The following ZNF638 variants were observed in gnomAD, a reference collection of about 807,000 sequenced individuals.
The protein encoded by ZNF638 is CTCL tumor antigen se33-1.
ZNF638 carries 46 observed loss-of-function variants against 195.6 expected under a neutral mutation model. That is an observed-to-expected ratio of 0.24 (90% CI 0.19 to 0.30). ZNF638 has a LOEUF of 0.30. ZNF638 is among the 10% of genes least tolerant of loss of function. The pLI is 1.00. For synonymous variants in ZNF638, 845 were observed against 772.0 expected (o/e 1.09, Z -1.57); for missense variants, 2,440 against 2,325.3 (o/e 1.05, Z -1.01).
intron 6 of ZNF638, 31 bp downstream of exon 6, chr2:71,365,737 G>A (rs768338352): frequency 1.9e-6 from 3 of 1,546,994 alleles, no homozygotes; most frequent in Non-Finnish European, 2.6e-6. Flanking sequence ...TATTTTTAGA[G>A]ATAAGGTTTC....
intron 27 of ZNF638, 100 bp from the exon 28 acceptor site, chr2:71,434,642 G>C: frequency 1.1e-6 from 1 of 945,242 alleles, no homozygotes; most frequent in Non-Finnish European, 1.6e-6. Context: ...TATTTTGTAG[G>C]ATCAGTTTCT....
chr2:71,434,849 C>T lies in ZNF638; in HGVS notation c.*42C>T. 1 of 1,497,578 alleles carries T rather than the reference C, an allele frequency of 6.7e-7. No individual in the cohort carries two copies. Among genetic ancestry groups the T allele is most frequent in the Non-Finnish European group, 9.1e-7 (1 of 1,103,398 alleles). The allele number at this position is 1,497,578 out of a possible 1,614,324, so 92.8% of individuals were successfully genotyped here. A position where few individuals can be genotyped will look rare whatever the true frequency, so the allele number is the denominator to read the frequency against. ...AATTCACTAGAAATTTGTTTAGGGT[C>T]CAGTTGATTTGTGTATTTTTGTTAT... On this transcript the variant is annotated 3_prime_UTR_variant, in exon 28 of 28. Transcript: ENST00000264447.
rs3732233 is a variant in ZNF638 at position 71,406,145 on chromosome 2, T to C, written c.3018T>C (p.Ile1006=). ...AACTACAGGCAAACATAGATACAATTTATGATCGATTTGTACATCTTGATA... is the reference window on the plus strand; with the variant it reads ...AACTACAGGCAAACATAGATACAATCTATGATCGATTTGTACATCTTGATA... The part of the protein sequence containing the change: ...ENDPEANIDT[I]YDRFVHLDNL... Residue 1006 remains isoleucine, a synonymous_variant, in exon 19 of 28, where the codon ATT becomes ATC. Coordinates refer to ENST00000264447, the MANE Select transcript of ZNF638 (RefSeq NM_014497.5). 0.55 allele frequency: 880,928 copies of C among 1,612,414 alleles called. 247,588 individuals are homozygous for C. The highest frequency in any genetic ancestry group is 0.64 in the Admixed American group (38,573 of 59,982).
Position 71,418,618 on chromosome 2 carries a change from A to G in ZNF638, c.3278A>G (p.Asp1093Gly). 1.3e-6 allele frequency: 2 copies of G among 1,559,294 alleles called. No individual in the cohort carries two copies. Among genetic ancestry groups the G allele is most frequent in the Non-Finnish European group, 1.7e-6 (2 of 1,153,044 alleles). Residue 1093 changes from aspartate (D) to glycine (G), a missense_variant, in exon 21 of 28, where the codon GAC (aspartate) becomes GGC (glycine). By Grantham distance (94) the Asp-to-Gly change is moderately conservative. Transcript: ENST00000264447. ...ATATTACAGGTGCAAATTGAGCATG[A>G]CCCAGAATTAGAAAAAGAAAGGTAT... ...IDLPEVQIEH[D>G]PELEKESPGL...
intron 3 of ZNF638, among the ~76,000 whole-genome samples, chr2:71,357,843 T>G (rs1185524152): frequency 6.6e-6 from 1 of 152,204 alleles, no homozygotes; most frequent in African/African-American, 2.4e-5. Context: ...GCACTTCGAT[T>G]TATTGTACTT....
At chr2:71,362,785 G>T (rs1329718608) in intron 3 of ZNF638, among the ~76,000 whole-genome samples, 1 of 152,152 alleles carries the variant, frequency 6.6e-6, no homozygotes, top group African/African-American at 2.4e-5. Context: ...CACCATTCAT[G>T]TTGTATTCTG....
chr2:71,424,611 T>C lies in ZNF638; in HGVS notation c.4525-39T>C, dbSNP rs770658730. On this transcript the variant is annotated intron_variant, in intron 22 of 27. Coordinates refer to ENST00000264447, the MANE Select transcript of ZNF638 (RefSeq NM_014497.5). The stretch of plus-strand genomic sequence containing the variant: ...TTCCAGAACATTAATAATATGGTTG[T>C]AAATTCCGTTTTTCTGTATTTCTTA... 3.9e-6 allele frequency: 6 copies of C among 1,531,680 alleles called. No homozygotes were observed. The East Asian group carries it at 1.4e-4, about 34-fold the overall frequency. The allele number at this position is 1,531,680 out of a possible 1,614,324, so 94.9% of individuals were successfully genotyped here. A position where few individuals can be genotyped will look rare whatever the true frequency, so the allele number is the denominator to read the frequency against.
In ZNF638 at chr2:71,422,863, A is replaced by G; in HGVS notation, c.3349A>G (p.Thr1117Ala). 6.2e-7 allele frequency: 1 copy of G among 1,614,016 alleles called. No homozygotes were observed. The highest frequency in any genetic ancestry group is 8.5e-7 in the Non-Finnish European group (1 of 1,179,942). The change falls in exon 22 of 28, where the codon ACT becomes GCT. Residue 1117 changes from threonine to alanine, a missense_variant. Transcript: ENST00000264447. Reference sequence around the variant, plus strand: ...TGATGAAAGTGAGGTGCAAACAGCAACTGATAGTCCCTCTGTTAAACCTAA... The same window carrying G: ...TGATGAAAGTGAGGTGCAAACAGCAGCTGATAGTCCCTCTGTTAAACCTAA... ...PIDESEVQTA[T>A]DSPSVKPNEL... is the part of the protein sequence containing the mutation.
At chr2:71,371,834 A>T (rs2079319568) in intron 8 of ZNF638, among the ~76,000 whole-genome samples, 1 of 151,638 alleles carries the variant, frequency 6.6e-6, no homozygotes, top group Admixed American at 6.6e-5. Flanking sequence ...TCAGATGGAT[A>T]GTTTGCAATT....
Position 71,400,445 on chromosome 2 carries a change from T to C in ZNF638, c.2657-33T>C, listed in dbSNP as rs769124296. ...ATAAAGTAGGATCTTGATAAGTATG[T>C]CTGCATTGTTTTTAATTTTATTTTG... On this transcript the variant is annotated intron_variant, in intron 14 of 27. Transcript: ENST00000264447. The C allele has an allele frequency of 1.3e-5, 20 of 1,588,108 alleles. No individual in the cohort carries two copies. In the South Asian group the frequency reaches 2.3e-4, roughly 18 times the overall value.
chr2:71,422,708 A>T, intron 21 of ZNF638, 106 bp from the exon 22 acceptor site: 1 of 1,197,306 alleles, frequency 8.4e-7, no homozygotes, highest in Non-Finnish European at 1.1e-6. Context: ...AAGTCTTAAC[A>T]ATTGGCATCA....
At position 71,427,017 on chromosome 2, in the gene ZNF638, G is replaced by A. The variant is rs2080553102; in HGVS notation, c.5148G>A (p.Arg1716=). 1.2e-6 allele frequency: 2 copies of A among 1,613,288 alleles called. No individual in the cohort carries two copies. Among genetic ancestry groups the A allele is most frequent in the Non-Finnish European group, 1.7e-6 (2 of 1,179,744 alleles). The change falls in exon 24 of 28, where the codon AGG becomes AGA. Residue 1716 remains arginine (R), a synonymous_variant. Transcript: ENST00000264447. ...NTKGNEGDTV[R]DSIGFISSQV... ...AAGGAAATGAAGGAGATACTGTAAG[G>A]GATTCCATTGGCTTCATTTCTTCTC...
At chr2:71,418,325 G>A (rs908147679) in intron 20 of ZNF638, 3 of 254,864 alleles carry the variant, frequency 1.2e-5, no homozygotes, top group African/African-American at 2.2e-5. Flanking sequence ...AGAATTTCCA[G>A]GCTTCTAAAG....
Position 71,350,089 on chromosome 2 carries a change from A to C in ZNF638, c.1135A>C (p.Ile379Leu). The C allele has an allele frequency of 1.9e-6, 3 of 1,614,188 alleles. No individual in the cohort carries two copies. Among genetic ancestry groups the C allele is most frequent in the Non-Finnish European group, 2.5e-6 (3 of 1,180,034 alleles). The change falls in exon 2 of 28, where the codon ATT (isoleucine) becomes CTT (leucine). Residue 379 changes from isoleucine (I) to leucine (L), a missense_variant. Around this residue, in one of 5 missense-constraint regions of ZNF638, gnomAD observed 305 missense variants for 283.6 expected, o/e 1.08. Coordinates refer to ENST00000264447, the MANE Select transcript of ZNF638 (RefSeq NM_014497.5). ...SKKNYQSQAD[I>L]PIRSPFGIVK... ...AAAGAATTACCAGTCACAGGCTGAC[A>C]TTCCCATTCGGTCTCCCTTTGGTAT...
chr2:71,388,769 C>G, intron 10 of ZNF638: 1 of 962,384 alleles, frequency 1.0e-6, no homozygotes, highest in South Asian at 1.3e-5. Context: ...CAGGGGAATT[C>G]TCAGACTAGA....
chr2:71,424,766 A>G (rs766519334), intron 23 of ZNF638, 51 bp downstream of exon 23: 3 of 1,416,118 alleles, frequency 2.1e-6, no homozygotes, highest in Non-Finnish European at 2.9e-6. Context: ...TCCATAGCAC[A>G]GTTCATCTAT....
At chr2:71,399,080 T>G (rs1324548112) in intron 12 of ZNF638, among the ~76,000 whole-genome samples, 1 of 152,186 alleles carries the variant, frequency 6.6e-6, no homozygotes, top group Non-Finnish European at 1.5e-5. Context: ...TTTAGAGTTG[T>G]CAATTCATAT....
At chr2:71,397,172 T>C (rs140754155) in intron 11 of ZNF638, among the ~76,000 whole-genome samples, 1,939 of 152,302 alleles carry the variant, frequency 0.013, 40 homozygotes, top group African/African-American at 0.042. Flanking sequence ...ATGGGAGTCA[T>C]TGGGGATGTG....
chr2:71,394,034 C>T (rs573182256), intron 10 of ZNF638, among the ~76,000 whole-genome samples: 1 of 152,344 alleles, frequency 6.6e-6, no homozygotes, highest in Admixed American at 6.5e-5. Flanking sequence ...CCCCAGCATT[C>T]TTCCCTGTGC....
Sources: allele counts gnomAD v4.1 joint callset (sites outside exome capture counted in the v4.1 genomes callset), GRCh38; gene constraint gnomAD v4.1.1; regional missense constraint gnomAD v4.1.1; transcripts MANE v1.5; gene names NCBI Gene and HGNC (gene_info 2026-07-23, HGNC 2026-07-21).